Variants in RBFOX3 observed in about 807,000 individuals in gnomAD.
RBFOX3 encodes RNA binding protein fox-1 homolog 3.
Under a neutral mutation model 48.7 loss-of-function variants are expected in RBFOX3, and 17 were observed. That is an observed-to-expected ratio of 0.35 (90% CI 0.24 to 0.52). The LOEUF (loss-of-function observed/expected upper bound fraction) is 0.52. Among genes scored for constraint, RBFOX3 ranks in the 20% least tolerant of loss-of-function variants. The probability of loss-of-function intolerance (pLI) is 0.94; values close to 1 mark genes in which losing one functional copy is unlikely to be tolerated. For missense variants in RBFOX3, 382 were observed against 497.5 expected, an observed-to-expected ratio of 0.77 and a Z score of 2.21; for synonymous variants, 212 against 209.5, an observed-to-expected ratio of 1.01 and a Z score of -0.10.
rs2066479992 is a variant in RBFOX3, at chr17:79,421,982, T to A, written c.-175+60472A>T. On this transcript the variant is annotated intron_variant, in intron 2 of 14. Transcript: ENST00000693108. This position sits in a 1 kb window ranked among gnomAD's most constrained non-coding sequence, Gnocchi z 4.5. The stretch of plus-strand genomic sequence containing the variant: ...AATTCTAGGTGCTGCCCGGACGAGA[T>A]GAGGAGGGGGACTTGCCGGCTGCTG... 6.6e-6 allele frequency among the ~76,000 whole-genome samples: 1 copy of A among 151,592 alleles called. No homozygotes were observed. The highest frequency in any genetic ancestry group is 2.4e-5 in the African/African-American group (1 of 41,200).
Position 79,189,763 on chromosome 17 carries a change from C to G in RBFOX3, c.-34+46003G>C, listed in dbSNP as rs547881306. On this transcript the variant is annotated intron_variant, in intron 4 of 14. Transcript: ENST00000693108. ...CCGAGCCCTCCTGTCCTGCCCAAGC[C>G]TGTGCATGTGTGCCCTTGTGCCCAG... is the stretch of plus-strand genomic sequence containing the variant. Among the ~76,000 whole-genome samples the G allele has an allele frequency of 7.9e-5, 12 of 152,376 alleles. 1 individual carries two copies. Among genetic ancestry groups the G allele is most frequent in the Middle Eastern group, 6.8e-3 (2 of 294 alleles).
chr17:79,163,800 C>T (rs1346984556), intron 4 of RBFOX3, among the ~76,000 whole-genome samples: 1 of 152,136 alleles, frequency 6.6e-6, no homozygotes, highest in African/African-American at 2.4e-5. Context: ...GGGTCTCCTG[C>T]GTTGAGCTCC....
chr17:79,542,384 A>G (rs2089842023), intron 1 of RBFOX3, among the ~76,000 whole-genome samples: 1 of 152,202 alleles, frequency 6.6e-6, no homozygotes, highest in Non-Finnish European at 1.5e-5. Context: ...GCGGCTCCCT[A>G]GTCCCTAGAT....
chr17:79,398,913 A>G (rs953129427), intron 2 of RBFOX3, among the ~76,000 whole-genome samples: 1 of 152,208 alleles, frequency 6.6e-6, no homozygotes, highest in African/African-American at 2.4e-5. Context: ...CTTTGGAAAC[A>G]GAGCCTTCGC....
intron 1 of RBFOX3, among the ~76,000 whole-genome samples, chr17:79,553,879 CCCA>C (rs2091377328): frequency 6.6e-6 from 1 of 152,044 alleles, no homozygotes; most frequent in African/African-American, 2.4e-5. Context: ...ATTATAGGCA[CCCA>C]CCACCACATC....
Position 79,090,784 on chromosome 17 carries a change from C to T in RBFOX3, c.*99G>A, listed in dbSNP as rs2073725666. On this transcript the variant is annotated 3_prime_UTR_variant, in exon 15 of 15. Coordinates refer to ENST00000693108, the MANE Select transcript of RBFOX3 (RefSeq NM_001350451.2). ...GGTTTGGTTGGTTTTTTTTTTGTTG[C>T]TTGGATCTTAACATCTTTTTTTGTT... 18 of 1,355,472 alleles carry T rather than the reference C, an allele frequency of 1.3e-5. No homozygotes were observed. Among genetic ancestry groups the T allele is most frequent in the Non-Finnish European group, 1.8e-5 (18 of 1,004,104 alleles). 84.0% of individuals were successfully genotyped at this position (1,355,472 alleles called of 1,614,324 possible). A position where few individuals can be genotyped will look rare whatever the true frequency, so the allele number is the denominator to read the frequency against.
chr17:79,400,035 A>T (rs2062590157), intron 2 of RBFOX3, among the ~76,000 whole-genome samples: 1 of 152,038 alleles, frequency 6.6e-6, no homozygotes, highest in Non-Finnish European at 1.5e-5. Context: ...TGCTGATTTA[A>T]CCGGTTTCCA....
At chr17:79,460,145 G>T (rs1296191031) in intron 2 of RBFOX3, among the ~76,000 whole-genome samples, 1 of 152,142 alleles carries the variant, frequency 6.6e-6, no homozygotes, top group African/African-American at 2.4e-5. Context: ...ATCTCCTTCT[G>T]GGATGATGAA....
intron 4 of RBFOX3, among the ~76,000 whole-genome samples, chr17:79,166,984 C>T (rs2048132455): frequency 1.3e-5 from 2 of 152,274 alleles, no homozygotes; most frequent in Admixed American, 1.3e-4. Flanking sequence ...TCCGGGGGCC[C>T]AGAGACAGCC....
chr17:79,506,362 C>G (rs1419587388), intron 1 of RBFOX3, among the ~76,000 whole-genome samples: 1 of 152,214 alleles, frequency 6.6e-6, no homozygotes, highest in Non-Finnish European at 1.5e-5. Context: ...TCATCCTTGG[C>G]TCCCACGATC....
At chr17:79,490,173 G>A (rs1298085831) in intron 1 of RBFOX3, among the ~76,000 whole-genome samples, 1 of 152,170 alleles carries the variant, frequency 6.6e-6, no homozygotes, top group Admixed American at 6.5e-5. Context: ...GGGAGTCGGT[G>A]ACAATTTTAC....
At chr17:79,235,185 G>A (rs1378573434) in intron 4 of RBFOX3, 1 of 152,206 alleles carries the variant, frequency 6.6e-6, no homozygotes, top group Non-Finnish European at 1.5e-5. Context: ...GCCACAGGTG[G>A]GTAATGGGGG....
chr17:79,276,063 A>G (rs1484435262), intron 3 of RBFOX3, among the ~76,000 whole-genome samples: 1 of 152,188 alleles, frequency 6.6e-6, no homozygotes, highest in Non-Finnish European at 1.5e-5. Context: ...CATTTCTGAC[A>G]CATGCTGCAC....
chr17:79,264,897 G>A (rs116109735), intron 3 of RBFOX3, among the ~76,000 whole-genome samples: 1 of 152,204 alleles, frequency 6.6e-6, no homozygotes, highest in Non-Finnish European at 1.5e-5. Flanking sequence ...GGGCAAGCTG[G>A]GTGAGAACAT....
At position 79,418,027 on chromosome 17, in the gene RBFOX3, CAGAA is replaced by C. The variant is rs1474497211; in HGVS notation, c.-175+64423_-175+64426del. The stretch of plus-strand genomic sequence containing the variant: ...TCCTTAGAGTCATCAGATTCAGAGA[CAGAA>C]AGGAGAATGGAGATGCCAGGGGCTG... On this transcript the variant is annotated intron_variant, in intron 2 of 14. Coordinates refer to ENST00000693108, the MANE Select transcript of RBFOX3 (RefSeq NM_001350451.2). This position sits in a 1 kb window ranked among gnomAD's most constrained non-coding sequence, Gnocchi z 5.0. Among the ~76,000 whole-genome samples, 1 of 152,088 alleles carries C rather than the reference CAGAA, an allele frequency of 6.6e-6. No individual in the cohort carries two copies. Among genetic ancestry groups the C allele is most frequent in the Non-Finnish European group, 1.5e-5 (1 of 68,012 alleles).
intron 4 of RBFOX3, among the ~76,000 whole-genome samples, chr17:79,228,262 C>T (rs978846090): frequency 1.3e-5 from 2 of 152,190 alleles, no homozygotes; most frequent in Non-Finnish European, 2.9e-5. Flanking sequence ...CTGTCCGCTC[C>T]GGAGCGGGCG....
rs147920742 is a variant in RBFOX3, at chr17:79,204,313, G to A, written c.-34+31453C>T. ...CACACACCAGCGGGCGCCGGGGAGC[G>A]GGTACACACCAGCGGGTGCCGGGGA... is the stretch of plus-strand genomic sequence containing the variant. On this transcript the variant is annotated intron_variant, in intron 4 of 14. Transcript: ENST00000693108. The surrounding 1 kb of genome is among the most constrained non-coding windows in gnomAD (Gnocchi z 4.5). Among the ~76,000 whole-genome samples the A allele has an allele frequency of 2.0e-5, 3 of 152,028 alleles. No individual in the cohort carries two copies. The highest frequency in any genetic ancestry group is 1.3e-4 in the Admixed American group (2 of 15,260).
chr17:79,612,477 C>T (rs1049835244), upstream of RBFOX3, among the ~76,000 whole-genome samples: 22 of 152,088 alleles, frequency 1.4e-4, no homozygotes, highest in Admixed American at 1.2e-3. Context: ...GCTGGCTGCC[C>T]CCCCTGCAGG....
chr17:79,368,427 A>T (rs2058083806), intron 2 of RBFOX3, among the ~76,000 whole-genome samples: 1 of 152,192 alleles, frequency 6.6e-6, no homozygotes, highest in East Asian at 1.9e-4. Flanking sequence ...TGCTATTTGA[A>T]CTGTGTTCAT....
Sources: allele counts gnomAD v4.1 joint callset (sites outside exome capture counted in the v4.1 genomes callset), GRCh38; gene constraint gnomAD v4.1.1; non-coding constraint Gnocchi (gnomAD v3.1); transcripts MANE v1.5; gene names NCBI Gene and HGNC (gene_info 2026-07-23, HGNC 2026-07-21).